The following BMP7 variants were observed in gnomAD, a reference collection of about 807,000 sequenced individuals.
BMP7 encodes the protein osteogenic protein 1.
A neutral mutation model predicts 41.2 loss-of-function variants in BMP7; 12 were observed. The ratio of observed to expected loss-of-function variants is 0.29; its 90% CI spans 0.19 to 0.47. BMP7 has a LOEUF of 0.47. BMP7 is among the 20% of genes least tolerant of loss of function. The pLI is 0.99. For missense variants in BMP7, 467 were observed against 606.0 expected, an observed-to-expected ratio of 0.77 and a Z score of 2.41; for synonymous variants, 248 against 250.0, an observed-to-expected ratio of 0.99 and a Z score of 0.07.
intron 2 of BMP7, among the ~76,000 whole-genome samples, chr20:57,222,103 G>T (rs919408511): frequency 6.6e-6 from 1 of 152,112 alleles, no homozygotes; most frequent in Non-Finnish European, 1.5e-5. Context: ...GGGGACACCC[G>T]CTCGGCTTCA....
Position 57,215,190 on chromosome 20 carries a change from C to G in BMP7, c.612-12567G>C, listed in dbSNP as rs1984983593. Among the ~76,000 whole-genome samples, 1 of 152,188 alleles carries G rather than the reference C, an allele frequency of 6.6e-6. No individual in the cohort carries two copies. Among genetic ancestry groups the G allele is most frequent in the Non-Finnish European group, 1.5e-5 (1 of 68,034 alleles). ...CCCCTGGGCACCTCCATACCCCCCA[C>G]CTTCACAGGCCTGGCTATGGAACCA... On this transcript the variant is annotated intron_variant, in intron 2 of 6. Coordinates refer to ENST00000395863, the MANE Select transcript of BMP7 (RefSeq NM_001719.3). This position sits in a 1 kb window ranked among gnomAD's most constrained non-coding sequence, Gnocchi z 4.2.
chr20:57,242,244 G>T lies in BMP7; in HGVS notation c.419-13823C>A, dbSNP rs185454475. Among the ~76,000 whole-genome samples, 99 of 152,258 alleles carry T rather than the reference G, an allele frequency of 6.5e-4. 2 individuals carry two copies. The East Asian group carries it at 0.018, about 28-fold the overall frequency. Reference sequence around the variant, plus strand: ...GGAGGGGGTGCTCCTGGCATGTACTGGGTACAGACCAGGGACACCGCTAAA... The same window carrying T: ...GGAGGGGGTGCTCCTGGCATGTACTTGGTACAGACCAGGGACACCGCTAAA... On this transcript the variant is annotated intron_variant, in intron 1 of 6. Coordinates refer to ENST00000395863, the MANE Select transcript of BMP7 (RefSeq NM_001719.3).
Position 57,224,944 on chromosome 20 carries a change from GGA to G in BMP7, c.611+3283_611+3284del, listed in dbSNP as rs912734700. On this transcript the variant is annotated intron_variant, in intron 2 of 6. Coordinates refer to ENST00000395863, the MANE Select transcript of BMP7 (RefSeq NM_001719.3). This position sits in a 1 kb window ranked among gnomAD's most constrained non-coding sequence, Gnocchi z 4.8. ...TCAGTGGAAAGTGACTCCCACAAGGGGAGAGACGCTGAGGCTGACCCAAAGCC... is the reference window on the plus strand; with the variant it reads ...TCAGTGGAAAGTGACTCCCACAAGGGGAGACGCTGAGGCTGACCCAAAGCC... The G allele has an allele frequency of 3.9e-5, 6 of 152,322 alleles. No homozygotes were observed. The highest frequency in any genetic ancestry group is 3.9e-4 in the Admixed American group (6 of 15,290). 9.4% of individuals were successfully genotyped at this position (152,322 alleles called of 1,614,324 possible). A position where few individuals can be genotyped will look rare whatever the true frequency, so the allele number is the denominator to read the frequency against.
intron 4 of BMP7, among the ~76,000 whole-genome samples, chr20:57,181,098 G>T (rs939989976): frequency 5.3e-5 from 8 of 152,140 alleles, no homozygotes; most frequent in African/African-American, 1.7e-4. Context: ...GGCAGGGCAG[G>T]TTTGCACCTC....
intron 2 of BMP7, among the ~76,000 whole-genome samples, chr20:57,204,466 T>C (rs1016997367): frequency 6.6e-6 from 1 of 152,152 alleles, no homozygotes; most frequent in Non-Finnish European, 1.5e-5. Context: ...TTAGCAAGTA[T>C]TGGGAGATTA....
chr20:57,265,278 G>T (rs984435801), intron 1 of BMP7, among the ~76,000 whole-genome samples: 1 of 152,132 alleles, frequency 6.6e-6, no homozygotes. Flanking sequence ...CGGCCGCGAT[G>T]CCAGAGCCAG....
intron 3 of BMP7, among the ~76,000 whole-genome samples, chr20:57,197,383 C>A (rs905856177): frequency 5.0e-4 from 76 of 152,260 alleles, no homozygotes; most frequent in African/African-American, 1.7e-3. Context: ...GTTAGAGGGT[C>A]CTGGGGTCTC....
At chr20:57,196,002 A>G (rs963349265) in intron 3 of BMP7, among the ~76,000 whole-genome samples, 5 of 152,170 alleles carry the variant, frequency 3.3e-5, no homozygotes, top group African/African-American at 1.2e-4. Flanking sequence ...AGGGAGTATA[A>G]CATGAGGCAG....
intron 2 of BMP7, among the ~76,000 whole-genome samples, chr20:57,211,206 A>C (rs1984874074): frequency 6.6e-6 from 1 of 152,180 alleles, no homozygotes; most frequent in Non-Finnish European, 1.5e-5. Context: ...GGTCAGTACA[A>C]TCCGCATCCC....
At chr20:57,186,760 C>T (rs1984220960) in intron 3 of BMP7, among the ~76,000 whole-genome samples, 1 of 152,184 alleles carries the variant, frequency 6.6e-6, no homozygotes, top group Admixed American at 6.5e-5. Flanking sequence ...AGAAACCCAG[C>T]CTCCCAGGAC....
chr20:57,216,538 T>C (rs574101436), intron 2 of BMP7, among the ~76,000 whole-genome samples: 3 of 148,280 alleles, frequency 2.0e-5, no homozygotes, highest in Non-Finnish European at 4.5e-5. Flanking sequence ...GAGGGGGCTG[T>C]CTCCTGAGGG....
chr20:57,182,341 T>C (rs1036055438), intron 4 of BMP7, among the ~76,000 whole-genome samples: 1 of 152,024 alleles, frequency 6.6e-6, no homozygotes, highest in Non-Finnish European at 1.5e-5. Context: ...CTTCTGGGGA[T>C]CCCAGCACCC....
At chr20:57,176,960 G>A (rs1262445067) in intron 4 of BMP7, among the ~76,000 whole-genome samples, 6 of 152,244 alleles carry the variant, frequency 3.9e-5, no homozygotes, top group African/African-American at 1.2e-4. Context: ...GAAGGACATC[G>A]CCGAACTCCC....
chr20:57,203,341 G>A (rs1233089431), intron 2 of BMP7, among the ~76,000 whole-genome samples: 2 of 152,186 alleles, frequency 1.3e-5, no homozygotes, highest in African/African-American at 4.8e-5. Context: ...CTTGACAGGG[G>A]ATGGAGGGTG....
At chr20:57,195,572 G>A (rs562997528) in intron 3 of BMP7, among the ~76,000 whole-genome samples, 209 of 152,336 alleles carry the variant, frequency 1.4e-3, no homozygotes, top group Admixed American at 3.3e-3. Context: ...CGCATGGAGC[G>A]AAGGCACCTT....
At position 57,221,459 on chromosome 20, in the gene BMP7, T is replaced by C. The variant is rs1985188049; in HGVS notation, c.611+6770A>G. Reference sequence around the variant, plus strand: ...AAAAACATATGCGACTGGGGAAAGATGGAAGCTTCTCATCCTTAATCCCCA... The same window carrying C: ...AAAAACATATGCGACTGGGGAAAGACGGAAGCTTCTCATCCTTAATCCCCA... On this transcript the variant is annotated intron_variant, in intron 2 of 6. Coordinates refer to ENST00000395863, the MANE Select transcript of BMP7 (RefSeq NM_001719.3). Among the ~76,000 whole-genome samples, 4 of 152,176 alleles carry C rather than the reference T, an allele frequency of 2.6e-5. No individual in the cohort carries two copies. In the South Asian group the frequency reaches 8.3e-4, roughly 32 times the overall value.
chr20:57,238,822 A>G (rs1317213905), intron 1 of BMP7, among the ~76,000 whole-genome samples: 1 of 152,198 alleles, frequency 6.6e-6, no homozygotes, highest in African/African-American at 2.4e-5. Flanking sequence ...GGGAAGAAGC[A>G]AAGCTGAAAC....
intron 1 of BMP7, among the ~76,000 whole-genome samples, chr20:57,250,114 G>A (rs1458031544): frequency 6.6e-6 from 1 of 151,892 alleles, no homozygotes; most frequent in Non-Finnish European, 1.5e-5. Context: ...ATGAACATCT[G>A]GCATGGGCTG....
At position 57,258,869 on chromosome 20, in the gene BMP7, A is replaced by C. The variant is rs1291850770; in HGVS notation, c.418+6836T>G. On this transcript the variant is annotated intron_variant, in intron 1 of 6. Coordinates refer to ENST00000395863, the MANE Select transcript of BMP7 (RefSeq NM_001719.3). Reference sequence around the variant, plus strand: ...AACTGAAATTTGGACTAATATACCAACGTAAATCTTCATCTGGCCAACACA... The same window carrying C: ...AACTGAAATTTGGACTAATATACCACCGTAAATCTTCATCTGGCCAACACA... Among the ~76,000 whole-genome samples the C allele has an allele frequency of 2.6e-5, 4 of 152,344 alleles. 1 individual carries two copies. In the East Asian group the frequency reaches 7.7e-4, roughly 29 times the overall value.
Sources: allele counts gnomAD v4.1 joint callset (sites outside exome capture counted in the v4.1 genomes callset), GRCh38; gene constraint gnomAD v4.1.1; non-coding constraint Gnocchi (gnomAD v3.1); transcripts MANE v1.5; gene names NCBI Gene and HGNC (gene_info 2026-07-23, HGNC 2026-07-21).